FHL1: variants seen among roughly 807,000 people sequenced by gnomAD.
The protein encoded by FHL1 is four and a half LIM domains 1.
FHL1 carries 1 observed loss-of-function variant against 20.3 expected under a neutral mutation model. The observed-to-expected ratio is 0.05, with a 90% CI of 0.02 to 0.23. The LOEUF (loss-of-function observed/expected upper bound fraction) is 0.23. Ranked by LOEUF, FHL1 falls within the 10% of genes least tolerant of loss-of-function variation. FHL1 has a pLI of 1.00. For missense variants in FHL1, 177 were observed against 234.0 expected (o/e 0.76, Z 1.59); for synonymous variants, 82 against 88.9 (o/e 0.92, Z 0.44).
chrX:136,196,716 C>A, upstream of FHL1: 1 of 768,878 alleles, frequency 1.3e-6, no homozygotes, highest in Admixed American at 3.3e-5. Flanking sequence ...CAAATGCAAG[C>A]TCTTGAGGCA....
chrX:136,162,674 G>A (rs939999212), intron 1 of FHL1, among the ~76,000 whole-genome samples: 4 of 111,400 alleles, frequency 3.6e-5, no homozygotes, highest in African/African-American at 1.3e-4. Flanking sequence ...ATGGGGCCCC[G>A]CCATCTGTGT....
At chrX:136,147,801 T>C (rs1471287823) in intron 1 of FHL1, 1 of 107,494 alleles carries the variant, frequency 9.3e-6, no homozygotes, top group Admixed American at 9.7e-5. Flanking sequence ...TTCGGCGGCC[T>C]CGCTGAGGCC....
chrX:136,170,603 G>A (rs991093050), intron 2 of FHL1, among the ~76,000 whole-genome samples: 1 of 111,527 alleles, frequency 9.0e-6, no homozygotes, highest in South Asian at 3.8e-4. Flanking sequence ...ACAGTGGCTT[G>A]TTTATACTCT....
At chrX:136,186,150 A>T (rs1057347299) in intron 2 of FHL1, among the ~76,000 whole-genome samples, 11 of 112,044 alleles carry the variant, frequency 9.8e-5, no homozygotes, top group African/African-American at 3.6e-4. Context: ...GTGGCACTGC[A>T]TGAGGATATG....
intron 1 of FHL1, among the ~76,000 whole-genome samples, chrX:136,153,494 A>G (rs2072330268): frequency 8.9e-6 from 1 of 112,052 alleles, no homozygotes; most frequent in South Asian, 3.7e-4. Context: ...CACTTGAGTA[A>G]TCAACCACTG....
chrX:136,150,033 A>G (rs2072224277), intron 1 of FHL1, among the ~76,000 whole-genome samples: 1 of 111,834 alleles, frequency 8.9e-6, no homozygotes, highest in Non-Finnish European at 1.9e-5. Context: ...AAGCATGTTG[A>G]TAGGAAGTGG....
chrX:136,199,267 C>T (rs991813700), intron 1 of FHL1, among the ~76,000 whole-genome samples: 3 of 111,400 alleles, frequency 2.7e-5, no homozygotes, highest in Non-Finnish European at 5.7e-5. Flanking sequence ...TAATCTATAT[C>T]GAACCCTCCT....
intron 2 of FHL1, among the ~76,000 whole-genome samples, chrX:136,177,359 C>G (rs1329646294): frequency 9.0e-6 from 1 of 111,553 alleles, no homozygotes; most frequent in Middle Eastern, 4.6e-3. Context: ...AAGTTCAAAT[C>G]TAGTGTTCCA....
At chrX:136,196,872 A>G, upstream of FHL1, 1 of 1,163,717 alleles carries the variant, frequency 8.6e-7, no homozygotes, top group Non-Finnish European at 1.1e-6. Flanking sequence ...AGGTATTTAT[A>G]TGTAGCGTTT....
intron 2 of FHL1, among the ~76,000 whole-genome samples, chrX:136,184,078 A>C (rs2073228864): frequency 8.9e-6 from 1 of 111,935 alleles, no homozygotes; most frequent in African/African-American, 3.2e-5. Context: ...TCTGGAGGGA[A>C]TTGATATTTG....
In FHL1 at chrX:136,207,859, G is replaced by A. The variant is rs768142579; in HGVS notation, c.447G>A (p.Lys149=). 9.9e-6 allele frequency: 12 copies of A among 1,210,772 alleles called. No homozygotes were observed. Among genetic ancestry groups the A allele is most frequent in the Non-Finnish European group, 1.3e-5 (12 of 895,303 alleles). Residue 149 remains lysine (K), a synonymous_variant, in exon 4 of 6, where the codon AAG becomes AAA. Coordinates refer to ENST00000370683, the MANE Select transcript of FHL1 (RefSeq NM_001159699.2). Reference sequence around the variant, plus strand: ...ACTGCTTCACCTGTAGTAACTGCAAGCAAGTCATCGGGACTGGAAGCTTCT... The same window carrying A: ...ACTGCTTCACCTGTAGTAACTGCAAACAAGTCATCGGGACTGGAAGCTTCT... ...HKDCFTCSNC[K]QVIGTGSFFP... is the part of the protein sequence containing the mutation.
intron 1 of FHL1, chrX:136,204,612 C>T (rs1407895555): frequency 8.9e-6 from 1 of 112,446 alleles, no homozygotes; most frequent in Non-Finnish European, 1.9e-5. Flanking sequence ...AAGCAACTGT[C>T]CTTGCACAAG....
upstream of FHL1, among the ~76,000 whole-genome samples, chrX:136,195,836 T>C (rs2073542335): frequency 9.0e-6 from 1 of 111,688 alleles, no homozygotes; most frequent in African/African-American, 3.3e-5. Context: ...AACAAGACAG[T>C]GGCTATAAAG....
Position 136,210,950 on chromosome X carries a change from G to A in FHL1, c.*925G>A, listed in dbSNP as rs2073997721. 2.6e-6 allele frequency: 1 copy of A among 381,591 alleles called. No individual in the cohort carries two copies. Among genetic ancestry groups the A allele is most frequent in the East Asian group, 5.6e-5 (1 of 17,922 alleles). 31.4% of individuals were successfully genotyped at this position (381,591 alleles called of 1,213,427 possible). A position where few individuals can be genotyped will look rare whatever the true frequency, so the allele number is the denominator to read the frequency against. ...AAGTAACCGCAAAACTCTAGAGGGG[G>A]AGTTGAGCAGGCGCCAGGGCTGTCA... On this transcript the variant is annotated 3_prime_UTR_variant, in exon 6 of 6. Coordinates refer to ENST00000370683, the MANE Select transcript of FHL1 (RefSeq NM_001159699.2).
intron 1 of FHL1, among the ~76,000 whole-genome samples, chrX:136,203,413 A>G (rs2073765678): frequency 8.9e-6 from 1 of 112,192 alleles, no homozygotes; most frequent in Non-Finnish European, 1.9e-5. Flanking sequence ...GCCTAAAGCT[A>G]GGATTCAAAA....
intron 2 of FHL1, among the ~76,000 whole-genome samples, chrX:136,173,591 CCAAATTTTTCAGCTTCTCTTGAAATAT>C (rs1203212102): frequency 8.9e-6 from 1 of 111,762 alleles, no homozygotes; most frequent in Non-Finnish European, 1.9e-5. Context: ...TTTTTGAAGT[CCAAATTTTTCAGCTTCTCTTGAAATAT>C]CAGAAGATCT....
At chrX:136,172,035 G>A (rs1169137090) in intron 2 of FHL1, among the ~76,000 whole-genome samples, 1 of 110,588 alleles carries the variant, frequency 9.0e-6, no homozygotes, top group African/African-American at 3.3e-5. Flanking sequence ...GATTACAAGC[G>A]TCTCTACATC....
At chrX:136,200,770 G>C (rs1002530517) in intron 1 of FHL1, among the ~76,000 whole-genome samples, 5 of 111,993 alleles carry the variant, frequency 4.5e-5, no homozygotes, top group African/African-American at 1.6e-4. Flanking sequence ...GGAATCTGTG[G>C]GTCTGTAGCA....
intron 1 of FHL1, among the ~76,000 whole-genome samples, chrX:136,199,069 A>C (rs567520542): frequency 8.9e-6 from 1 of 111,991 alleles, no homozygotes; most frequent in South Asian, 3.8e-4. Context: ...ACTTCACCAC[A>C]GCTGGAGAAA....
Sources: allele counts gnomAD v4.1 joint callset (sites outside exome capture counted in the v4.1 genomes callset), GRCh38; gene constraint gnomAD v4.1.1; transcripts MANE v1.5; gene names NCBI Gene and HGNC (gene_info 2026-07-23, HGNC 2026-07-21).